NREP: variants seen among roughly 807,000 people sequenced by gnomAD.
The protein encoded by NREP is neuronal regeneration-related protein.
A neutral mutation model predicts 8.6 loss-of-function variants in NREP; 5 were observed. The observed-to-expected ratio is 0.58, with a 90% confidence interval of 0.30 to 1.22. The LOEUF (loss-of-function observed/expected upper bound fraction) is 1.22. Among genes scored for constraint, NREP ranks in the 50% most tolerant of loss-of-function variants. NREP has a pLI of 0.07. For synonymous variants in NREP, 27 were observed against 28.0 expected (o/e 0.96, Z 0.11); for missense variants, 86 against 82.5 (o/e 1.04, Z -0.17).
At chr5:111,752,906 T>G (rs1465441611) in intron 2 of NREP, among the ~76,000 whole-genome samples, 1 of 152,218 alleles carries the variant, frequency 6.6e-6, no homozygotes, top group Non-Finnish European at 1.5e-5. Flanking sequence ...CATTCTGAAC[T>G]GTTTTCTTCT....
At chr5:111,919,107 T>C (rs1429588531) in intron 2 of NREP, among the ~76,000 whole-genome samples, 1 of 122,804 alleles carries the variant, frequency 8.1e-6, no homozygotes, top group East Asian at 2.0e-4. Flanking sequence ...AAGACATTTA[T>C]GCTGCCAAAA....
chr5:111,910,412 G>A (rs931195081), intron 2 of NREP, among the ~76,000 whole-genome samples: 2 of 151,908 alleles, frequency 1.3e-5, no homozygotes, highest in African/African-American at 4.8e-5. Context: ...GCGACAAATT[G>A]GCTGCTATCT....
chr5:111,918,018 T>C (rs644163), intron 2 of NREP, among the ~76,000 whole-genome samples: 1,780 of 152,246 alleles, frequency 0.012, 33 homozygotes, highest in African/African-American at 0.04. Flanking sequence ...AGTCTCAAGA[T>C]ACAAAATCAA....
chr5:111,968,539 A>G (rs1756710780), intron 2 of NREP, among the ~76,000 whole-genome samples: 1 of 152,192 alleles, frequency 6.6e-6, no homozygotes, highest in South Asian at 2.1e-4. Flanking sequence ...TTGCAAAGGG[A>G]AGATTTTTGG....
chr5:111,830,790 G>A (rs1752748690), intron 2 of NREP, among the ~76,000 whole-genome samples: 1 of 152,188 alleles, frequency 6.6e-6, no homozygotes, highest in African/African-American at 2.4e-5. Context: ...GTTCCATGAA[G>A]GATGGGGACA....
At chr5:111,754,878 A>T (rs1404743394) in intron 2 of NREP, among the ~76,000 whole-genome samples, 1 of 152,238 alleles carries the variant, frequency 6.6e-6, no homozygotes, top group South Asian at 2.1e-4. Context: ...GATTCATTAA[A>T]TTCCACCCTC....
intron 2 of NREP, among the ~76,000 whole-genome samples, chr5:111,933,196 C>T (rs1755591876): frequency 6.6e-6 from 1 of 152,096 alleles, no homozygotes; most frequent in South Asian, 2.1e-4. Context: ...ACCCCAATTT[C>T]TCTCTCCATG....
At chr5:111,769,299 T>C (rs1236510414) in intron 2 of NREP, among the ~76,000 whole-genome samples, 12 of 152,178 alleles carry the variant, frequency 7.9e-5, no homozygotes, top group Admixed American at 3.9e-4. Context: ...GTGGACAAGA[T>C]AGACCCCCAC....
At chr5:111,755,709 T>C in intron 2 of NREP, 61 bp downstream of exon 2, 2 of 1,570,780 alleles carry the variant, frequency 1.3e-6, no homozygotes, top group South Asian at 2.2e-5. Context: ...GGGTGGTTGA[T>C]ATTTATATGT....
rs1748446307 is a variant in NREP at position 111,730,513 on chromosome 5, T to G, written c.*408A>C. On this transcript the variant is annotated 3_prime_UTR_variant, in exon 4 of 4. Transcript: ENST00000257435. ...AATTGATGAACATAAACTACTAGGT[T>G]TGTTACATCTAAATGAAAAAAAAGG... 2 of 153,570 alleles carry G rather than the reference T, an allele frequency of 1.3e-5. No individual in the cohort carries two copies. The highest frequency in any genetic ancestry group is 1.9e-4 in the East Asian group (1 of 5,220). The allele number at this position is 153,570 out of a possible 1,614,324, so 9.5% of individuals were successfully genotyped here. A position where few individuals can be genotyped will look rare whatever the true frequency, so the allele number is the denominator to read the frequency against.
intron 2 of NREP, among the ~76,000 whole-genome samples, chr5:111,857,085 T>C (rs1008242647): frequency 3.9e-5 from 6 of 152,140 alleles, no homozygotes; most frequent in African/African-American, 9.7e-5. Context: ...ACAGCTGTAA[T>C]AGGAAATTTC....
intron 2 of NREP, among the ~76,000 whole-genome samples, chr5:111,835,837 G>T (rs935139554): frequency 2.0e-5 from 3 of 152,066 alleles, no homozygotes; most frequent in Non-Finnish European, 4.4e-5. Flanking sequence ...GGGAAATTAG[G>T]ACAAAATGAT....
chr5:111,768,620 G>A (rs560904899), intron 2 of NREP, among the ~76,000 whole-genome samples: 1 of 152,316 alleles, frequency 6.6e-6, no homozygotes, highest in East Asian at 1.9e-4. Flanking sequence ...TGTCGTATTT[G>A]AATCTCTGTT....
chr5:111,830,317 C>A (rs1274792734), intron 2 of NREP, among the ~76,000 whole-genome samples: 1 of 152,190 alleles, frequency 6.6e-6, no homozygotes, highest in Admixed American at 6.5e-5. Context: ...ACAGAAGGAG[C>A]TAACACCCTG....
At chr5:111,931,929 A>T (rs1277365070) in intron 2 of NREP, among the ~76,000 whole-genome samples, 3 of 152,054 alleles carry the variant, frequency 2.0e-5, no homozygotes, top group Non-Finnish European at 4.4e-5. Flanking sequence ...ATCTGGTGAG[A>T]GGCTGAAATC....
intron 2 of NREP, among the ~76,000 whole-genome samples, chr5:111,873,893 T>A (rs1753845233): frequency 6.6e-6 from 1 of 152,174 alleles, no homozygotes; most frequent in African/African-American, 2.4e-5. Context: ...AAATCTTGCA[T>A]CTTCTTCCCA....
At chr5:111,768,212 C>T (rs966079661) in intron 2 of NREP, among the ~76,000 whole-genome samples, 10 of 152,218 alleles carry the variant, frequency 6.6e-5, no homozygotes, top group East Asian at 1.9e-4. Context: ...AGTAGAGAAC[C>T]AGGTGGAATG....
chr5:111,875,631 A>G (rs897993640), intron 2 of NREP, among the ~76,000 whole-genome samples: 2 of 152,210 alleles, frequency 1.3e-5, no homozygotes, highest in East Asian at 1.9e-4. Context: ...ATTTAAAAAC[A>G]TCATTCAGAA....
chr5:111,744,136 A>G (rs1380739284), intron 2 of NREP, among the ~76,000 whole-genome samples: 1 of 152,094 alleles, frequency 6.6e-6, no homozygotes, highest in African/African-American at 2.4e-5. Context: ...GAAAGTCTGC[A>G]TTTTCCCCCG....
Sources: gnomAD v4.1 joint callset for allele counts (sites outside exome capture counted in the v4.1 genomes callset) on GRCh38, gnomAD v4.1.1 for gene constraint, MANE v1.5 for transcripts, NCBI Gene and HGNC (gene_info 2026-07-23, HGNC 2026-07-21) for gene names.